ABCA12: variants seen among roughly 807,000 people sequenced by gnomAD.
ABCA12 encodes the protein ATP binding cassette subfamily A member 12.
In ABCA12, 156 loss-of-function variants were observed where a neutral mutation model predicts 293.5. The ratio of observed to expected loss-of-function variants is 0.53; its 90% CI spans 0.47 to 0.61. ABCA12 has a LOEUF of 0.61. ABCA12 is among the 20% of genes least tolerant of loss of function. The pLI, the probability that ABCA12 is intolerant of heterozygous loss-of-function variation, is 0.00. For missense variants in ABCA12, 2,797 were observed against 3,090.2 expected, an observed-to-expected ratio of 0.91 and a Z score of 2.25; for synonymous variants, 1,063 against 1,108.0, an observed-to-expected ratio of 0.96 and a Z score of 0.81.
chr2:214,980,404 G>T, intron 31 of ABCA12, 79 bp downstream of exon 31: 1 of 1,571,106 alleles, frequency 6.4e-7, no homozygotes, highest in East Asian at 2.2e-5. Context: ...AATGAATAAA[G>T]TTGGAGAGAC....
intron 1 of ABCA12, among the ~76,000 whole-genome samples, chr2:215,111,948 G>T (rs1017672221): frequency 1.3e-5 from 2 of 152,078 alleles, no homozygotes; most frequent in Admixed American, 6.6e-5. Context: ...CACCTCTCAT[G>T]ACTGCCCCAA....
At chr2:215,134,618 G>GAGAGAGAGAGATAT (rs1703167040) in intron 1 of ABCA12, among the ~76,000 whole-genome samples, 1 of 72,908 alleles carries the variant, frequency 1.4e-5, no homozygotes, top group African/African-American at 1.0e-4. Context: ...TATATATATA[G>GAGAGAGAGAGATAT]AGAGAGAGAG....
intron 3 of ABCA12, among the ~76,000 whole-genome samples, chr2:215,059,304 C>T (rs555990836): frequency 6.0e-4 from 91 of 152,074 alleles, no homozygotes; most frequent in African/African-American, 2.0e-3. Context: ...TCTTGAGGCC[C>T]CCTCAGTGAT....
intron 2 of ABCA12, chr2:215,085,421 C>T (rs1702021576): frequency 6.6e-6 from 1 of 152,174 alleles, no homozygotes; most frequent in Non-Finnish European, 1.5e-5. Flanking sequence ...ACTTTACTTT[C>T]TCTTTTTCTT....
chr2:215,063,956 C>G (rs1322946811), intron 3 of ABCA12, 110 bp downstream of exon 3: 1 of 1,384,216 alleles, frequency 7.2e-7, no homozygotes, highest in Non-Finnish European at 1.0e-6. Context: ...CATTTATAGA[C>G]AGAGAAAACA....
chr2:215,026,431 G>A (rs1338060373), intron 10 of ABCA12, among the ~76,000 whole-genome samples: 2 of 152,168 alleles, frequency 1.3e-5, no homozygotes, highest in African/African-American at 4.8e-5. Context: ...CCCGCTTTTA[G>A]AACTCTATAT....
At chr2:215,016,582 C>CAAAAAAA (rs71041981) in intron 14 of ABCA12, among the ~76,000 whole-genome samples, 2,380 of 29,908 alleles carry the variant, frequency 0.08, 731 homozygotes, top group Non-Finnish European at 0.11. Context: ...GACTCTGTCT[C>CAAAAAAA]AAAAAAAAAA....
chr2:214,951,074 G>A lies in ABCA12; in HGVS notation c.6657C>T (p.Phe2219=), dbSNP rs1227615674. Residue 2219 remains phenylalanine (F), a synonymous_variant, in exon 45 of 53, where the codon TTC becomes TTT. Coordinates refer to ENST00000272895, the MANE Select transcript of ABCA12 (RefSeq NM_173076.3). ...ESLIKKLRLF[F]RKFNSSHVRE... Reference sequence around the variant, plus strand: ...TTACATGTGAAGAATTAAATTTTCTGAAGAAAAGCCTAAAAATGGACCCAG... The same window carrying A: ...TTACATGTGAAGAATTAAATTTTCTAAAGAAAAGCCTAAAAATGGACCCAG... 6.2e-7 allele frequency: 1 copy of A among 1,613,766 alleles called. No homozygotes were observed. The highest frequency in any genetic ancestry group is 8.5e-7 in the Non-Finnish European group (1 of 1,179,892).
At chr2:214,950,386 G>GTC (rs1291609812) in intron 45 of ABCA12, among the ~76,000 whole-genome samples, 1 of 36,680 alleles carries the variant, frequency 2.7e-5, no homozygotes, top group Non-Finnish European at 4.8e-5. Context: ...ATATATATCT[G>GTC]TGTGTGTGTG....
intron 41 of ABCA12, 109 bp from the exon 42 acceptor site, chr2:214,956,887 T>A: frequency 1.4e-6 from 1 of 725,374 alleles, no homozygotes; most frequent in Non-Finnish European, 2.4e-6. Context: ...CTAGAAAAAT[T>A]TGAAGAAATG....
chr2:215,109,140 A>G (rs1344077255), intron 2 of ABCA12, among the ~76,000 whole-genome samples: 1 of 151,626 alleles, frequency 6.6e-6, no homozygotes, highest in African/African-American at 2.4e-5. Context: ...ACTCTATAGC[A>G]CCTCTGATTA....
intron 38 of ABCA12, 123 bp downstream of exon 38, chr2:214,968,597 T>C (rs1699316687): frequency 1.1e-6 from 1 of 908,532 alleles, no homozygotes; most frequent in South Asian, 1.4e-5. Flanking sequence ...CACTGTGCCC[T>C]GGGTTATGCA....
chr2:215,133,662 T>C (rs1331293411), intron 1 of ABCA12, among the ~76,000 whole-genome samples: 2 of 152,180 alleles, frequency 1.3e-5, no homozygotes, highest in East Asian at 3.9e-4. Flanking sequence ...CCTGGTTGGC[T>C]TTCTCTATTA....
At chr2:215,029,530 T>G (rs1700826783) in intron 9 of ABCA12, 1 of 152,198 alleles carries the variant, frequency 6.6e-6, no homozygotes, top group African/African-American at 2.4e-5. Flanking sequence ...AATACTGGCC[T>G]TATCTACTAG....
intron 1 of ABCA12, among the ~76,000 whole-genome samples, chr2:215,126,933 T>C (rs1299225620): frequency 1.3e-5 from 2 of 152,182 alleles, no homozygotes; most frequent in African/African-American, 2.4e-5. Context: ...CATTTAGGGC[T>C]ATGAGCTTTC....
At chr2:214,999,544 G>T (rs1215660824) in intron 22 of ABCA12, among the ~76,000 whole-genome samples, 1 of 152,148 alleles carries the variant, frequency 6.6e-6, no homozygotes, top group African/African-American at 2.4e-5. Context: ...AAGGCATAAT[G>T]AACATATTCC....
At chr2:215,052,744 G>A (rs73074418) in intron 4 of ABCA12, among the ~76,000 whole-genome samples, 160 bp from the exon 5 acceptor site, 3,693 of 152,152 alleles carry the variant, frequency 0.024, 162 homozygotes, top group African/African-American at 0.084. Context: ...TGGAAAAGTG[G>A]CAAATTCCAT....
At chr2:215,119,142 T>G (rs1408117830) in intron 1 of ABCA12, among the ~76,000 whole-genome samples, 1 of 152,152 alleles carries the variant, frequency 6.6e-6, no homozygotes, top group East Asian at 1.9e-4. Context: ...GGCTAAGTTT[T>G]GTATTTTTAG....
chr2:215,019,114 CT>C (rs1452265542), intron 13 of ABCA12, among the ~76,000 whole-genome samples: 5 of 152,312 alleles, frequency 3.3e-5, no homozygotes, highest in Non-Finnish European at 7.4e-5. Flanking sequence ...TTTTGAAGAT[CT>C]TTTTGCTGTG....
Sources: gnomAD v4.1 joint callset for allele counts (sites outside exome capture counted in the v4.1 genomes callset) on GRCh38, gnomAD v4.1.1 for gene constraint, MANE v1.5 for transcripts, NCBI Gene and HGNC (gene_info 2026-07-23, HGNC 2026-07-21) for gene names.